The following AKTIP variants were observed in gnomAD, a reference collection of about 807,000 sequenced individuals.
AKTIP encodes the protein AKT-interacting protein.
A neutral mutation model predicts 39.1 loss-of-function variants in AKTIP; 16 were observed. The observed-to-expected ratio is 0.41, with a 90% confidence interval of 0.28 to 0.62. The LOEUF is 0.62. AKTIP is among the 20% of genes least tolerant of loss of function. AKTIP has a pLI of 0.32. For synonymous variants in AKTIP, 93 were observed against 124.3 expected (o/e 0.75, Z 1.67); for missense variants, 262 against 356.6 (o/e 0.73, Z 2.14).
chr16:53,500,343 G>A lies in AKTIP; in HGVS notation c.-70-14C>T, dbSNP rs1962092270. 1.5e-5 allele frequency: 24 copies of A among 1,557,332 alleles called. No individual in the cohort carries two copies. Among genetic ancestry groups the A allele is most frequent in the South Asian group, 3.6e-5 (3 of 83,896 alleles). On this transcript the variant is annotated splice_polypyrimidine_tract_variant and intron_variant, in intron 1 of 9. Coordinates refer to ENST00000394657, the MANE Select transcript of AKTIP (RefSeq NM_022476.4). ...CATTCACTTTACCTTAAAACAAGAC[G>A]GGAAGACATAGAAACATGCCAACAC...
intron 3 of AKTIP, among the ~76,000 whole-genome samples, chr16:53,497,756 T>G (rs145172788): frequency 5.3e-5 from 8 of 152,370 alleles, no homozygotes; most frequent in Non-Finnish European, 7.3e-5. Context: ...CCTAATCTAC[T>G]GTAGGTTCTT....
chr16:53,503,312 G>A (rs1184725295), upstream of AKTIP: 1 of 132,936 alleles, frequency 7.5e-6, no homozygotes, highest in Non-Finnish European at 1.5e-5. Context: ...CCTGCTGCAC[G>A]ATCCTGGGGC....
Position 53,495,341 on chromosome 16 carries a change from G to C in AKTIP, c.249-15C>G. The C allele has an allele frequency of 6.2e-6, 10 of 1,613,696 alleles. No homozygotes were observed. The highest frequency in any genetic ancestry group is 8.5e-6 in the Non-Finnish European group (10 of 1,179,688). ...CAACCAAGGTACTACAACAAAAGCA[G>C]AATAATTAACTTGTGTGGATACAAA... is the stretch of plus-strand genomic sequence containing the variant. On this transcript the variant is annotated splice_polypyrimidine_tract_variant and intron_variant, in intron 3 of 9. Coordinates refer to ENST00000394657, the MANE Select transcript of AKTIP (RefSeq NM_022476.4).
intron 1 of AKTIP, among the ~76,000 whole-genome samples, chr16:53,502,507 G>A (rs777711689): frequency 6.6e-6 from 1 of 152,078 alleles, no homozygotes; most frequent in Non-Finnish European, 1.5e-5. Context: ...ATGCCACAGC[G>A]CACTCACATC....
chr16:53,502,502 A>T (rs1421144173), intron 1 of AKTIP, among the ~76,000 whole-genome samples: 1 of 152,176 alleles, frequency 6.6e-6, no homozygotes, highest in Non-Finnish European at 1.5e-5. Context: ...TCTACATGCC[A>T]CAGCGCACTC....
At chr16:53,494,480 G>A in intron 6 of AKTIP, 37 bp downstream of exon 6, 1 of 1,613,496 alleles carries the variant, frequency 6.2e-7, no homozygotes, top group African/African-American at 1.3e-5. Flanking sequence ...TCCTCTTGCT[G>A]TATTATGTCA....
chr16:53,503,303 C>G (rs1034603504), upstream of AKTIP: 28 of 147,790 alleles, frequency 1.9e-4, no homozygotes, highest in African/African-American at 7.0e-4. Context: ...GCTCCGCCCC[C>G]TGCTGCACGA....
rs768204156 is a variant in AKTIP at position 53,492,403 on chromosome 16, C to G, written c.*9G>C. The G allele has an allele frequency of 5.0e-6, 8 of 1,610,720 alleles. No individual in the cohort carries two copies. The highest frequency in any genetic ancestry group is 1.7e-5 in the Admixed American group (1 of 60,002). On this transcript the variant is annotated 3_prime_UTR_variant, in exon 10 of 10. Transcript: ENST00000394657. Reference sequence around the variant, plus strand: ...AGGAAAGTGCATGGTGCACCAGATTCACCATCTCTTAAGTCGCCACTGTTT... The same window carrying G: ...AGGAAAGTGCATGGTGCACCAGATTGACCATCTCTTAAGTCGCCACTGTTT...
chr16:53,500,991 A>G (rs1343801281), intron 1 of AKTIP: 1 of 152,222 alleles, frequency 6.6e-6, no homozygotes, highest in Non-Finnish European at 1.5e-5. Context: ...CTAACAGGAA[A>G]GCCAGACTCA....
rs1961522646 is a variant in AKTIP, at chr16:53,492,199, A to G, written c.*213T>C. ...CCAATAATTTGGAGTACTGAACTAG[A>G]TAACCACCCTAAGACACTTCTGACA... On this transcript the variant is annotated 3_prime_UTR_variant, in exon 10 of 10. Coordinates refer to ENST00000394657, the MANE Select transcript of AKTIP (RefSeq NM_022476.4). 2 of 496,720 alleles carry G rather than the reference A, an allele frequency of 4.0e-6. No homozygotes were observed. Among genetic ancestry groups the G allele is most frequent in the Admixed American group, 3.6e-5 (1 of 27,692 alleles). The allele number at this position is 496,720 out of a possible 1,614,324, so 30.8% of individuals were successfully genotyped here.
intron 3 of AKTIP, among the ~76,000 whole-genome samples, 187 bp from the exon 4 acceptor site, chr16:53,495,513 G>A (rs1424691075): frequency 6.6e-6 from 1 of 152,302 alleles, no homozygotes; most frequent in East Asian, 1.9e-4. Flanking sequence ...CCTGATCGCT[G>A]CCCACTACTG....
At chr16:53,497,356 A>G (rs1453216507) in intron 3 of AKTIP, among the ~76,000 whole-genome samples, 2 of 152,148 alleles carry the variant, frequency 1.3e-5, no homozygotes, top group Non-Finnish European at 2.9e-5. Context: ...TCTTCCTTAC[A>G]TGGAGCCCAC....
chr16:53,492,651 G>GAAAC, intron 9 of AKTIP, 42 bp downstream of exon 9: 1 of 1,609,214 alleles, frequency 6.2e-7, no homozygotes, highest in East Asian at 2.2e-5. Flanking sequence ...TTTTAGAAAA[G>GAAAC]AAACAATGAG....
chr16:53,495,368 G>T lies in AKTIP; in HGVS notation c.249-42C>A. 1.9e-6 allele frequency: 3 copies of T among 1,591,230 alleles called. No individual in the cohort carries two copies. In the South Asian group the frequency reaches 3.3e-5, roughly 18 times the overall value. ...ATAATTAACTTGTGTGGATACAAAT[G>T]ACACATGCAGATCAAACCACCCCAC... On this transcript the variant is annotated intron_variant, in intron 3 of 9. Coordinates refer to ENST00000394657, the MANE Select transcript of AKTIP (RefSeq NM_022476.4).
chr16:53,500,953 G>T (rs1194545292), intron 1 of AKTIP, among the ~76,000 whole-genome samples: 1 of 152,172 alleles, frequency 6.6e-6, no homozygotes, highest in Non-Finnish European at 1.5e-5. Flanking sequence ...ACGGACAACA[G>T]TTGTTACTAG....
intron 3 of AKTIP, among the ~76,000 whole-genome samples, chr16:53,497,330 C>T (rs568829203): frequency 2.0e-5 from 3 of 152,186 alleles, no homozygotes; most frequent in African/African-American, 2.4e-5. Context: ...CTGCAGACCT[C>T]GGTGACCAGT....
chr16:53,495,034 C>T, intron 5 of AKTIP, 39 bp downstream of exon 5: 1 of 1,569,294 alleles, frequency 6.4e-7, no homozygotes, highest in Non-Finnish European at 8.8e-7. Flanking sequence ...GCCCTTCTCG[C>T]TGATCCACAA....
chr16:53,495,911 G>T (rs1175940158), intron 3 of AKTIP, among the ~76,000 whole-genome samples: 1 of 152,232 alleles, frequency 6.6e-6, no homozygotes, highest in East Asian at 1.9e-4. Context: ...AGGCATCCTT[G>T]TGCGGCTCTC....
chr16:53,501,770 T>C (rs1962183842), intron 1 of AKTIP: 1 of 152,182 alleles, frequency 6.6e-6, no homozygotes, highest in Admixed American at 6.5e-5. Flanking sequence ...CAAGAGAAAA[T>C]GCCACCCAGT....
Sources: gnomAD v4.1 joint callset for allele counts (sites outside exome capture counted in the v4.1 genomes callset) on GRCh38, gnomAD v4.1.1 for gene constraint, MANE v1.5 for transcripts, NCBI Gene and HGNC (gene_info 2026-07-23, HGNC 2026-07-21) for gene names.